Variants in ST6GALNAC3 observed in about 807,000 individuals in gnomAD.
ST6GALNAC3 encodes alpha-N-acetylgalactosaminide alpha-2,6-sialyltransferase 3.
A neutral mutation model predicts 32.7 loss-of-function variants in ST6GALNAC3; 25 were observed. That is an observed-to-expected ratio of 0.76 (90% CI 0.56 to 1.07). The LOEUF is 1.07. Among genes scored for constraint, ST6GALNAC3 ranks in the 50% least tolerant of loss-of-function variants. The pLI, the probability that ST6GALNAC3 is intolerant of heterozygous loss-of-function variation, is 0.00. For missense variants in ST6GALNAC3, 355 were observed against 382.4 expected (o/e 0.93, Z 0.60); for synonymous variants, 129 against 133.1 (o/e 0.97, Z 0.21).
chr1:76,406,279 G>A (rs1653827468), intron 2 of ST6GALNAC3, among the ~76,000 whole-genome samples: 1 of 151,966 alleles, frequency 6.6e-6, no homozygotes, highest in Non-Finnish European at 1.5e-5. Context: ...GGAGGCTTTT[G>A]GGCAGTGGGG....
chr1:76,171,669 A>G (rs979186557), intron 1 of ST6GALNAC3, among the ~76,000 whole-genome samples: 2 of 151,984 alleles, frequency 1.3e-5, no homozygotes, highest in African/African-American at 4.8e-5. Context: ...AACTCGATGC[A>G]AATAAACTAG....
intron 3 of ST6GALNAC3, among the ~76,000 whole-genome samples, chr1:76,496,859 C>T (rs1478354737): frequency 1.3e-5 from 2 of 152,152 alleles, no homozygotes; most frequent in African/African-American, 4.8e-5. Context: ...AATGACCTCT[C>T]CCTATGTCTG....
chr1:76,351,669 G>A (rs1218758381), intron 2 of ST6GALNAC3, among the ~76,000 whole-genome samples: 1 of 152,022 alleles, frequency 6.6e-6, no homozygotes, highest in African/African-American at 2.4e-5. Flanking sequence ...AATTTTTTCA[G>A]AGTTTATGAG....
At chr1:76,239,424 G>A (rs560107252) in intron 1 of ST6GALNAC3, among the ~76,000 whole-genome samples, 18 of 152,142 alleles carry the variant, frequency 1.2e-4, no homozygotes, top group African/African-American at 3.1e-4. Context: ...ATTTTGGCTC[G>A]TGATTTTGCA....
At chr1:76,420,235 C>G (rs1450589929) in intron 3 of ST6GALNAC3, among the ~76,000 whole-genome samples, 2 of 152,054 alleles carry the variant, frequency 1.3e-5, no homozygotes, top group Admixed American at 6.6e-5. Context: ...GCAGATGGCA[C>G]TTTGAATTAT....
At chr1:76,129,943 T>G (rs1197719048) in intron 1 of ST6GALNAC3, among the ~76,000 whole-genome samples, 2 of 152,128 alleles carry the variant, frequency 1.3e-5, no homozygotes, top group Admixed American at 1.3e-4. Context: ...TGGTGGGAAT[T>G]GCACTGCATT....
chr1:76,098,638 G>C (rs1031061232), intron 1 of ST6GALNAC3, among the ~76,000 whole-genome samples: 2 of 152,086 alleles, frequency 1.3e-5, no homozygotes, highest in African/African-American at 4.8e-5. Flanking sequence ...ACCTTTTAGG[G>C]GGGTAGGAGT....
intron 3 of ST6GALNAC3, among the ~76,000 whole-genome samples, chr1:76,582,336 G>T (rs1356882047): frequency 1.3e-5 from 2 of 152,220 alleles, no homozygotes; most frequent in East Asian, 3.9e-4. Flanking sequence ...ATAACAACTT[G>T]GTGGCTGGGT....
rs188177884 is a variant in ST6GALNAC3, at chr1:76,216,044, C to A, written c.19-97761C>A. 6.6e-4 allele frequency among the ~76,000 whole-genome samples: 100 copies of A among 152,248 alleles called. 2 individuals are homozygous for A. The highest frequency in any genetic ancestry group is 2.2e-3 in the African/African-American group (90 of 41,556). ...CCTCTCCTCATCTCTTACTCTTTTG[C>A]TTTCATCCACTGCCTTGGCCACACT... On this transcript the variant is annotated intron_variant, in intron 1 of 4. Coordinates refer to ENST00000328299, the MANE Select transcript of ST6GALNAC3 (RefSeq NM_152996.4).
chr1:76,089,081 T>A lies in ST6GALNAC3; in HGVS notation c.18+14197T>A, dbSNP rs796215482. ...TCTCGCTCTGTCACCCAGGCTGGAG[T>A]GCAGTGGCACAATCTTGGTTCACTG... is the stretch of plus-strand genomic sequence containing the variant. On this transcript the variant is annotated intron_variant, in intron 1 of 4. Coordinates refer to ENST00000328299, the MANE Select transcript of ST6GALNAC3 (RefSeq NM_152996.4). Among the ~76,000 whole-genome samples, 6 of 152,242 alleles carry A rather than the reference T, an allele frequency of 3.9e-5. 1 individual carries two copies. The highest frequency in any genetic ancestry group is 1.4e-4 in the African/African-American group (6 of 41,544).
At position 76,438,884 on chromosome 1, in the gene ST6GALNAC3, C is replaced by G. The variant is rs560336740; in HGVS notation, c.623+26467C>G. ...TTATTAAAACAAATGGTTTTTTAGT[C>G]AAATGGTTATTTGACCTCCTGACCA... On this transcript the variant is annotated intron_variant, in intron 3 of 4. Coordinates refer to ENST00000328299, the MANE Select transcript of ST6GALNAC3 (RefSeq NM_152996.4). 4.6e-5 allele frequency among the ~76,000 whole-genome samples: 7 copies of G among 152,214 alleles called. No homozygotes were observed. In the South Asian group the frequency reaches 1.5e-3, roughly 32 times the overall value.
In ST6GALNAC3 at chr1:76,505,845, T is replaced by TCC. The variant is rs112634644; in HGVS notation, c.623+93428_623+93429insCC. Among the ~76,000 whole-genome samples the TCC allele has an allele frequency of 6.5e-3, 995 of 152,212 alleles. 17 individuals are homozygous for TCC. The highest frequency in any genetic ancestry group is 0.023 in the African/African-American group (965 of 41,528). On this transcript the variant is annotated intron_variant, in intron 3 of 4. Transcript: ENST00000328299. The stretch of plus-strand genomic sequence containing the variant: ...TAAAATAGATGCATGGGGCAACGTG[T>TCC]GCATGGGGAAAGTGGGTGCAGCTTA...
intron 3 of ST6GALNAC3, among the ~76,000 whole-genome samples, chr1:76,616,122 A>G (rs1005885598): frequency 2.0e-5 from 3 of 152,154 alleles, no homozygotes; most frequent in Non-Finnish European, 4.4e-5. Flanking sequence ...CAACAAACAA[A>G]CAGATCTTTT....
intron 3 of ST6GALNAC3, among the ~76,000 whole-genome samples, chr1:76,418,632 T>G (rs1305718489): frequency 1.3e-5 from 2 of 151,924 alleles, no homozygotes; most frequent in Non-Finnish European, 2.9e-5. Context: ...TTGAAGATGG[T>G]CTTTGCAAAT....
chr1:76,277,706 TC>T (rs1418598622), intron 1 of ST6GALNAC3, among the ~76,000 whole-genome samples: 1 of 151,058 alleles, frequency 6.6e-6, no homozygotes, highest in Non-Finnish European at 1.5e-5. Context: ...GAAGGAGGAG[TC>T]TTATTTCATC....
chr1:76,636,847 TA>T (rs1242392953), downstream of ST6GALNAC3: 1 of 152,208 alleles, frequency 6.6e-6, no homozygotes, highest in Non-Finnish European at 1.5e-5. Flanking sequence ...AAAAGCAATA[TA>T]ATTAGAGAAG....
At chr1:76,441,330 T>G (rs1257228258) in intron 3 of ST6GALNAC3, among the ~76,000 whole-genome samples, 1 of 152,148 alleles carries the variant, frequency 6.6e-6, no homozygotes, top group African/African-American at 2.4e-5. Flanking sequence ...AATAATCCTA[T>G]GAGGCAGGTA....
chr1:76,374,193 T>G (rs1179378666), intron 2 of ST6GALNAC3, among the ~76,000 whole-genome samples: 1 of 152,178 alleles, frequency 6.6e-6, no homozygotes, highest in Non-Finnish European at 1.5e-5. Flanking sequence ...CATTAGCTAA[T>G]TAAGAAGTCT....
chr1:76,382,049 T>C (rs971124830), intron 2 of ST6GALNAC3, among the ~76,000 whole-genome samples: 5 of 152,136 alleles, frequency 3.3e-5, no homozygotes, highest in Admixed American at 6.5e-5. Context: ...TGGCAGATTC[T>C]CAATTGAGAA....
Sources: allele counts gnomAD v4.1 joint callset (sites outside exome capture counted in the v4.1 genomes callset), GRCh38; gene constraint gnomAD v4.1.1; transcripts MANE v1.5; gene names NCBI Gene and HGNC (gene_info 2026-07-23, HGNC 2026-07-21).